PUDP: variants seen among roughly 807,000 people sequenced by gnomAD.
PUDP encodes the protein pseudouridine 5'-phosphatase, also known as pseudouridine-5'-phosphatase.
PUDP carries 8 observed loss-of-function variants against 9.4 expected under a neutral mutation model. The ratio of observed to expected loss-of-function variants is 0.85; its 90% confidence interval spans 0.50 to 1.53. The LOEUF is 1.53. PUDP is among the 40% of genes most tolerant of loss of function. The probability of loss-of-function intolerance (pLI) is 0.00; values close to 1 mark genes in which losing one functional copy is unlikely to be tolerated. For synonymous variants in PUDP, 99 were observed against 80.7 expected (o/e 1.23, Z -1.22); for missense variants, 188 against 189.7 (o/e 0.99, Z 0.05).
intron 1 of PUDP, among the ~76,000 whole-genome samples, chrX:6,719,550 A>G (rs1327827528): frequency 3.6e-5 from 4 of 112,096 alleles, no homozygotes; most frequent in African/African-American, 1.3e-4. Flanking sequence ...TTGAAAATCA[A>G]TGAAACCTGC....
intron 3 of PUDP, among the ~76,000 whole-genome samples, chrX:6,969,742 C>T (rs5933915): frequency 0.3 from 33,422 of 110,521 alleles, 4,442 homozygotes; most frequent in Non-Finnish European, 0.4. Context: ...ATTAGCCAGG[C>T]ATGGAGGTGC....
upstream of PUDP, among the ~76,000 whole-genome samples, chrX:6,724,242 A>C (rs1208953814): frequency 1.8e-5 from 2 of 111,370 alleles, no homozygotes. Flanking sequence ...TTCTTACAAA[A>C]ACATGTTGCC....
intron 1 of PUDP, among the ~76,000 whole-genome samples, chrX:7,015,281 A>G (rs1216629576): frequency 8.9e-6 from 1 of 112,092 alleles, no homozygotes; most frequent in Non-Finnish European, 1.9e-5. Flanking sequence ...TAGGTTCAAC[A>G]AAGTATGGAC....
intron 1 of PUDP, among the ~76,000 whole-genome samples, chrX:7,106,887 G>C (rs1931899975): frequency 9.0e-6 from 1 of 111,677 alleles, no homozygotes. Context: ...TGTCTACCAA[G>C]TGGAATTTCA....
intron 3 of PUDP, among the ~76,000 whole-genome samples, chrX:6,810,719 T>G (rs961901421): frequency 9.0e-6 from 1 of 111,489 alleles, no homozygotes; most frequent in African/African-American, 3.3e-5. Context: ...TCTGAGGGGA[T>G]GAGCAATCAG....
intron 3 of PUDP, among the ~76,000 whole-genome samples, chrX:7,055,412 C>T (rs1484324950): frequency 4.5e-5 from 5 of 110,233 alleles, no homozygotes; most frequent in African/African-American, 1.3e-4. Context: ...CCACCACACT[C>T]GGCTAATTTT....
chrX:6,750,639 G>A (rs1925058306), intron 3 of PUDP, among the ~76,000 whole-genome samples: 1 of 111,377 alleles, frequency 9.0e-6, no homozygotes, highest in Admixed American at 9.6e-5. Context: ...CAAAGAAACA[G>A]TTTCAGTAAA....
chrX:6,998,316 T>C (rs1331441746), intron 1 of PUDP, among the ~76,000 whole-genome samples: 2 of 111,264 alleles, frequency 1.8e-5, no homozygotes, highest in African/African-American at 6.5e-5. Context: ...AAAAGAGAAA[T>C]GAAGAAACAA....
intron 3 of PUDP, among the ~76,000 whole-genome samples, chrX:6,775,376 G>A (rs1251227797): frequency 9.0e-6 from 1 of 111,134 alleles, no homozygotes; most frequent in Non-Finnish European, 1.9e-5. Context: ...TTCCAAGTGT[G>A]ATTATTGTTA....
chrX:6,932,648 G>T (rs898580064), intron 3 of PUDP, among the ~76,000 whole-genome samples: 12 of 111,762 alleles, frequency 1.1e-4, no homozygotes, highest in African/African-American at 3.9e-4. Flanking sequence ...CACCGTGCGC[G>T]AGCCGAAGCA....
At chrX:6,749,028 C>G (rs1925033519) in intron 3 of PUDP, among the ~76,000 whole-genome samples, 1 of 111,719 alleles carries the variant, frequency 9.0e-6, no homozygotes, top group Non-Finnish European at 1.9e-5. Flanking sequence ...AGATTCTTAT[C>G]TCGGATCCTA....
intron 3 of PUDP, among the ~76,000 whole-genome samples, chrX:7,058,261 A>T (rs1054502910): frequency 8.9e-6 from 1 of 112,255 alleles, no homozygotes. Flanking sequence ...AAATATTACT[A>T]TATCATCTCT....
chrX:6,751,690 C>G (rs775126602), intron 3 of PUDP, among the ~76,000 whole-genome samples: 3 of 111,505 alleles, frequency 2.7e-5, no homozygotes, highest in African/African-American at 9.8e-5. Context: ...AACTCATTAT[C>G]GGCCACGCTT....
At chrX:7,119,307 A>C (rs1399746436) in intron 1 of PUDP, among the ~76,000 whole-genome samples, 2 of 112,624 alleles carry the variant, frequency 1.8e-5, no homozygotes, top group East Asian at 5.6e-4. Context: ...CCCTACAACC[A>C]CTAACGTATT....
At chrX:7,145,243 T>G (rs1441913310) in intron 1 of PUDP, among the ~76,000 whole-genome samples, 3 of 112,287 alleles carry the variant, frequency 2.7e-5, no homozygotes, top group African/African-American at 9.7e-5. Flanking sequence ...ATCATCCAAA[T>G]CAATGTCATC....
intron 1 of PUDP, among the ~76,000 whole-genome samples, chrX:7,031,896 T>C (rs1929797463): frequency 8.9e-6 from 1 of 112,013 alleles, no homozygotes; most frequent in Non-Finnish European, 1.9e-5. Flanking sequence ...TACCTGGCAC[T>C]AAACATTAAA....
At chrX:6,963,012 T>C (rs938922864) in intron 3 of PUDP, among the ~76,000 whole-genome samples, 6 of 112,962 alleles carry the variant, frequency 5.3e-5, no homozygotes, top group Non-Finnish European at 7.5e-5. Context: ...CAGCATCAAA[T>C]AGATGCAATC....
At chrX:6,901,941 A>G (rs1430299614) in intron 3 of PUDP, among the ~76,000 whole-genome samples, 2 of 111,248 alleles carry the variant, frequency 1.8e-5, no homozygotes, top group African/African-American at 3.3e-5. Flanking sequence ...TGGTGCGATC[A>G]TAGCTCACCG....
intron 3 of PUDP, among the ~76,000 whole-genome samples, chrX:7,075,294 C>T (rs1197661008): frequency 9.0e-6 from 1 of 111,717 alleles, no homozygotes; most frequent in Non-Finnish European, 1.9e-5. Context: ...ATCACGAGGT[C>T]AGGAGTTCAA....
Sources: allele counts gnomAD v4.1 joint callset (sites outside exome capture counted in the v4.1 genomes callset), GRCh38; gene constraint gnomAD v4.1.1; transcripts MANE v1.5; gene names NCBI Gene and HGNC (gene_info 2026-07-23, HGNC 2026-07-21).